The following CCDC12 variants were observed in gnomAD, a reference collection of about 807,000 sequenced individuals.
CCDC12 encodes the protein coiled-coil domain containing 12.
A neutral mutation model predicts 25.7 loss-of-function variants in CCDC12; 28 were observed. That is an observed-to-expected ratio of 1.09 (90% CI 0.81 to 1.50). The LOEUF (loss-of-function observed/expected upper bound fraction) is 1.50. Ranked by LOEUF, CCDC12 falls within the 40% of genes most tolerant of loss-of-function variation. The pLI is 0.00. For synonymous variants in CCDC12, 75 were observed against 87.7 expected (o/e 0.86, Z 0.81); for missense variants, 198 against 210.0 (o/e 0.94, Z 0.35).
upstream of CCDC12, chr3:46,976,883 T>TCCCCGCCTTG (rs2107214269): frequency 2.4e-6 from 3 of 1,235,920 alleles, no homozygotes; most frequent in South Asian, 3.9e-5. Flanking sequence ...GGGCGAGCCC[T>TCCCCGCCTTG]CCCCGCCTTG....
Position 46,951,801 on chromosome 3 carries a change from AT to A in CCDC12, c.97-10737del, listed in dbSNP as rs1386955399. Among the ~76,000 whole-genome samples the A allele has an allele frequency of 5.0e-4, 35 of 69,638 alleles. 1 individual carries two copies. Among genetic ancestry groups the A allele is most frequent in the African/African-American group, 1.8e-3 (34 of 19,150 alleles). 45.7% of individuals were successfully genotyped at this position (69,638 alleles called of 152,430 possible). A position where few individuals can be genotyped will look rare whatever the true frequency, so the allele number is the denominator to read the frequency against. ...TCTCAAAAAAAAAAAAAAAAAAAATATATATATATATATATATATATACTTA... is the reference window on the plus strand; with the variant it reads ...TCTCAAAAAAAAAAAAAAAAAAAATAATATATATATATATATATATACTTA... On this transcript the variant is annotated intron_variant, in intron 1 of 6. Transcript: ENST00000683445.
chr3:46,940,242 A>G (rs376932925), intron 2 of CCDC12, among the ~76,000 whole-genome samples: 7 of 152,326 alleles, frequency 4.6e-5, no homozygotes, highest in East Asian at 3.9e-4. Context: ...TTTGGGAGGC[A>G]AAGCAGCATC....
intron 2 of CCDC12, among the ~76,000 whole-genome samples, chr3:46,935,148 G>C (rs1234915777): frequency 1.3e-5 from 2 of 152,268 alleles, no homozygotes; most frequent in African/African-American, 4.8e-5. Context: ...AGGAAGGCTA[G>C]TGGCCTCATT....
chr3:46,922,231 C>A lies in CCDC12; in HGVS notation c.418+5G>T. On this transcript the variant is annotated splice_donor_5th_base_variant and intron_variant, in intron 6 of 6. Coordinates refer to ENST00000683445, the MANE Select transcript of CCDC12 (RefSeq NM_001277074.2). ...GGACCCCACCTTCCCAGGCACTGCA[C>A]TTACGGATCAGCTCGGCAATGGCCC... 9 of 1,614,286 alleles carry A rather than the reference C, an allele frequency of 5.6e-6. No individual in the cohort carries two copies. The highest frequency in any genetic ancestry group is 7.6e-6 in the Non-Finnish European group (9 of 1,180,046).
At chr3:46,933,892 A>T (rs558938817) in intron 2 of CCDC12, among the ~76,000 whole-genome samples, 452 of 151,754 alleles carry the variant, frequency 3.0e-3, no homozygotes, top group African/African-American at 0.011. Flanking sequence ...TCTACAATAA[A>T]AAAATCTATA....
At position 46,921,913 on chromosome 3, in the gene CCDC12, T is replaced by A. The variant is rs2032693254; in HGVS notation, c.*144A>T. On this transcript the variant is annotated 3_prime_UTR_variant, in exon 7 of 7. Transcript: ENST00000683445. ...CCCAGCAGACAAGGAGCTGACCTCATCCATGGGGGTTTCAGACTTGATGGG... is the reference window on the plus strand; with the variant it reads ...CCCAGCAGACAAGGAGCTGACCTCAACCATGGGGGTTTCAGACTTGATGGG... The A allele has an allele frequency of 1.2e-6, 1 of 819,750 alleles. No homozygotes were observed. The highest frequency in any genetic ancestry group is 1.9e-6 in the Non-Finnish European group (1 of 517,022). 50.8% of individuals were successfully genotyped at this position (819,750 alleles called of 1,614,324 possible).
intron 1 of CCDC12, among the ~76,000 whole-genome samples, chr3:46,945,247 C>T (rs2033858891): frequency 6.6e-6 from 1 of 152,244 alleles, no homozygotes; most frequent in South Asian, 2.1e-4. Flanking sequence ...AGAAATGCTA[C>T]CAATTTAACT....
At position 46,932,670 on chromosome 3, in the gene CCDC12, T is replaced by C. The variant is rs73831411; in HGVS notation, c.165-7135A>G. On this transcript the variant is annotated intron_variant, in intron 2 of 6. Coordinates refer to ENST00000683445, the MANE Select transcript of CCDC12 (RefSeq NM_001277074.2). ...GGCAGGACAGGGCCACATCACAGCC[T>C]CAGGGGGTGGACAGGCCTCCAAGCA... Among the ~76,000 whole-genome samples, 1,487 of 152,282 alleles carry C rather than the reference T, an allele frequency of 9.8e-3. 21 individuals are homozygous for C. Among genetic ancestry groups the C allele is most frequent in the African/African-American group, 0.034 (1,426 of 41,552 alleles).
chr3:46,976,802 C>T (rs2035012205), upstream of CCDC12: 1 of 1,548,684 alleles, frequency 6.5e-7, no homozygotes, highest in African/African-American at 1.4e-5. Flanking sequence ...GGATAAATGT[C>T]TCGCGGCCAA....
At chr3:46,964,456 A>G (rs557282473) in intron 1 of CCDC12, among the ~76,000 whole-genome samples, 1 of 152,396 alleles carries the variant, frequency 6.6e-6, no homozygotes, top group South Asian at 2.1e-4. Context: ...AGGTGTACCC[A>G]ACAGCTCATT....
upstream of CCDC12, among the ~76,000 whole-genome samples, chr3:46,980,385 G>C (rs2035239298): frequency 6.6e-6 from 1 of 152,140 alleles, no homozygotes; most frequent in Admixed American, 6.5e-5. Flanking sequence ...GTGGGCCAAG[G>C]TAGGGAGGTG....
upstream of CCDC12, among the ~76,000 whole-genome samples, chr3:46,978,015 C>T (rs891363296): frequency 6.6e-6 from 1 of 152,206 alleles, no homozygotes; most frequent in Non-Finnish European, 1.5e-5. Flanking sequence ...GAGACCATGC[C>T]GCCCCCTCTC....
intron 2 of CCDC12, among the ~76,000 whole-genome samples, chr3:46,934,540 T>C (rs1186673131): frequency 6.6e-6 from 1 of 152,198 alleles, no homozygotes; most frequent in Non-Finnish European, 1.5e-5. Context: ...AGAGGGGCTT[T>C]GGAAGCTGAG....
intron 2 of CCDC12, 25 bp from the exon 3 acceptor site, chr3:46,925,560 G>A: frequency 6.6e-7 from 1 of 1,518,970 alleles, no homozygotes; most frequent in South Asian, 1.3e-5. Context: ...GGAACAAGCA[G>A]AGATGAAGTC....
intron 2 of CCDC12, among the ~76,000 whole-genome samples, chr3:46,926,463 G>A (rs1014961310): frequency 7.9e-5 from 12 of 152,310 alleles, no homozygotes; most frequent in African/African-American, 2.6e-4. Flanking sequence ...CAGGAGCTGC[G>A]GCTAGCTACT....
chr3:46,923,834 C>T, intron 3 of CCDC12, 166 bp from the exon 4 acceptor site: 1 of 474,354 alleles, frequency 2.1e-6, no homozygotes, highest in Non-Finnish European at 3.5e-6. Flanking sequence ...AAAGGCAGCT[C>T]TGGAGGAGGG....
upstream of CCDC12, chr3:46,976,971 A>C: frequency 6.3e-6 from 2 of 315,248 alleles, no homozygotes. Flanking sequence ...AAAAAAAAAG[A>C]AAAAAAAAAA....
At chr3:46,923,208 ACT>A (rs2032762744) in intron 5 of CCDC12, 119 bp downstream of exon 5, 1 of 1,025,020 alleles carries the variant, frequency 9.8e-7, no homozygotes. Context: ...ATCTCGTGTA[ACT>A]CTATGTCTGT....
chr3:46,921,952 C>T lies in CCDC12; in HGVS notation c.*105G>A, dbSNP rs2032695548. 5 of 1,262,332 alleles carry T rather than the reference C, an allele frequency of 4.0e-6. No homozygotes were observed. Among genetic ancestry groups the T allele is most frequent in the Non-Finnish European group, 5.6e-6 (5 of 886,136 alleles). 78.2% of individuals were successfully genotyped at this position (1,262,332 alleles called of 1,614,324 possible). On this transcript the variant is annotated 3_prime_UTR_variant, in exon 7 of 7. Coordinates refer to ENST00000683445, the MANE Select transcript of CCDC12 (RefSeq NM_001277074.2). ...AGACTTGATGGGCAGGGAGTCTCTGCTCAGAAGCCAAACTGGAGGTGATGG... is the reference window on the plus strand; with the variant it reads ...AGACTTGATGGGCAGGGAGTCTCTGTTCAGAAGCCAAACTGGAGGTGATGG...
Sources: gnomAD v4.1 joint callset for allele counts (sites outside exome capture counted in the v4.1 genomes callset) on GRCh38, gnomAD v4.1.1 for gene constraint, MANE v1.5 for transcripts, NCBI Gene and HGNC (gene_info 2026-07-23, HGNC 2026-07-21) for gene names.